Variants in FRMD5 observed in about 807,000 individuals in gnomAD.
FRMD5 encodes FERM domain-containing protein 5.
Under a neutral mutation model 69.0 loss-of-function variants are expected in FRMD5, and 20 were observed. The observed-to-expected ratio is 0.29, with a 90% CI of 0.20 to 0.42. FRMD5 has a LOEUF of 0.42. Ranked by LOEUF, FRMD5 falls within the 10% of genes least tolerant of loss-of-function variation. The pLI is 1.00. For synonymous variants in FRMD5, 271 were observed against 260.1 expected, an observed-to-expected ratio of 1.04 and a Z score of -0.40; for missense variants, 595 against 708.6, an observed-to-expected ratio of 0.84 and a Z score of 1.82.
intron 1 of FRMD5, among the ~76,000 whole-genome samples, chr15:44,086,283 A>G (rs1329882439): frequency 6.6e-6 from 1 of 152,238 alleles, no homozygotes; most frequent in Non-Finnish European, 1.5e-5. Context: ...AGCTCTATTC[A>G]TAACACCCAA....
chr15:44,007,598 T>C (rs1420021037), intron 1 of FRMD5, among the ~76,000 whole-genome samples: 1 of 151,690 alleles, frequency 6.6e-6, no homozygotes, highest in African/African-American at 2.4e-5. Context: ...TTTTAATTTT[T>C]TGAATTTTTA....
chr15:43,876,268 T>C (rs1595469248), intron 13 of FRMD5: 4 of 1,477,032 alleles, frequency 2.7e-6, no homozygotes, highest in East Asian at 2.4e-5. Flanking sequence ...TGTTGAACTC[T>C]GAACTCTGGG....
At chr15:44,004,458 T>C (rs1890347692) in intron 1 of FRMD5, among the ~76,000 whole-genome samples, 2 of 152,210 alleles carry the variant, frequency 1.3e-5, no homozygotes, top group Admixed American at 1.3e-4. Flanking sequence ...ACACTTCATG[T>C]CTCTGTGTCA....
chr15:44,197,091 C>T (rs182588488), upstream of FRMD5, among the ~76,000 whole-genome samples: 8 of 152,120 alleles, frequency 5.3e-5, no homozygotes, highest in East Asian at 1.4e-3. Context: ...GTCCCAGCTA[C>T]TGGGGAGGCT....
At chr15:44,056,745 C>T (rs561120979) in intron 1 of FRMD5, among the ~76,000 whole-genome samples, 2 of 152,138 alleles carry the variant, frequency 1.3e-5, no homozygotes, top group African/African-American at 4.8e-5. Flanking sequence ...GAAGGGCACT[C>T]TCTTGGCAAG....
chr15:43,912,192 A>T (rs2140423713), intron 4 of FRMD5, among the ~76,000 whole-genome samples: 1 of 152,322 alleles, frequency 6.6e-6, no homozygotes, highest in East Asian at 1.9e-4. Flanking sequence ...AGCAGGATGG[A>T]CTGCCTTCCT....
At chr15:43,985,892 T>TA (rs978009517) in intron 1 of FRMD5, among the ~76,000 whole-genome samples, 2 of 152,150 alleles carry the variant, frequency 1.3e-5, no homozygotes, top group African/African-American at 4.8e-5. Flanking sequence ...GTAAGGCATA[T>TA]ATACCAGAAA....
At position 44,042,443 on chromosome 15, in the gene FRMD5, C is replaced by T. The variant is rs550973308; in HGVS notation, c.103-118134G>A. 4.6e-5 allele frequency among the ~76,000 whole-genome samples: 7 copies of T among 152,300 alleles called. No individual in the cohort carries two copies. In the South Asian group the frequency reaches 1.5e-3, roughly 32 times the overall value. ...ACTCATTTTATGAGGCCAGCATCAT[C>T]CTGATACCAAAACCTGGCAGAGACA... On this transcript the variant is annotated intron_variant, in intron 1 of 13. Transcript: ENST00000417257.
At chr15:44,134,922 A>T (rs1463056590) in intron 1 of FRMD5, among the ~76,000 whole-genome samples, 1 of 152,212 alleles carries the variant, frequency 6.6e-6, no homozygotes, top group Non-Finnish European at 1.5e-5. Flanking sequence ...AACAGCAAGA[A>T]GATTAGGGCT....
intron 1 of FRMD5, among the ~76,000 whole-genome samples, chr15:44,055,515 G>T (rs925138277): frequency 1.3e-5 from 2 of 152,092 alleles, no homozygotes; most frequent in South Asian, 2.1e-4. Flanking sequence ...TCAACATAAA[G>T]TCACTATACA....
chr15:44,118,262 A>C (rs2076898680), intron 1 of FRMD5, among the ~76,000 whole-genome samples: 1 of 152,210 alleles, frequency 6.6e-6, no homozygotes, highest in South Asian at 2.1e-4. Flanking sequence ...TAAGGGCTAT[A>C]AAGTGTTTTC....
intron 10 of FRMD5, among the ~76,000 whole-genome samples, chr15:43,886,811 A>C (rs2088674046): frequency 6.6e-6 from 1 of 152,202 alleles, no homozygotes; most frequent in African/African-American, 2.4e-5. Context: ...TGTATGTGAG[A>C]GACACTGAGG....
intron 1 of FRMD5, among the ~76,000 whole-genome samples, chr15:43,948,314 T>C (rs1300260218): frequency 2.6e-5 from 4 of 152,326 alleles, no homozygotes; most frequent in Non-Finnish European, 5.9e-5. Flanking sequence ...CCTGGGAAAC[T>C]GTTAGGATAT....
intron 1 of FRMD5, among the ~76,000 whole-genome samples, chr15:44,012,761 G>GTTTTTTT (rs35690752): frequency 4.1e-5 from 5 of 120,838 alleles, no homozygotes; most frequent in Non-Finnish European, 5.2e-5. Context: ...AAGTTATTGG[G>GTTTTTTT]TTTTTTTTTT....
chr15:43,873,721 C>T lies in FRMD5; in HGVS notation c.*164G>A. The T allele has an allele frequency of 6.6e-7, 1 of 1,517,510 alleles. No individual in the cohort carries two copies. Among genetic ancestry groups the T allele is most frequent in the Non-Finnish European group, 8.8e-7 (1 of 1,142,062 alleles). The allele number at this position is 1,517,510 out of a possible 1,614,324, so 94.0% of individuals were successfully genotyped here. A position where few individuals can be genotyped will look rare whatever the true frequency, so the allele number is the denominator to read the frequency against. On this transcript the variant is annotated 3_prime_UTR_variant, in exon 14 of 14. Coordinates refer to ENST00000417257, the MANE Select transcript of FRMD5 (RefSeq NM_032892.5). Reference sequence around the variant, plus strand: ...GTTTAGACAGGGCATGAGCCTATCCCTTTCTTCTTCTGGGAAACACCCTCC... The same window carrying T: ...GTTTAGACAGGGCATGAGCCTATCCTTTTCTTCTTCTGGGAAACACCCTCC...
Position 43,873,281 on chromosome 15 carries a change from G to GCAA in FRMD5, c.*601_*603dup. 1 of 1,537,002 alleles carries GCAA rather than the reference G, an allele frequency of 6.5e-7. No homozygotes were observed. The highest frequency in any genetic ancestry group is 8.7e-7 in the Non-Finnish European group (1 of 1,143,510). The stretch of plus-strand genomic sequence containing the variant: ...AATCCAACTCAGACCATCATAAGAA[G>GCAA]CAACTTTCCATTTAATCATTCTACA... On this transcript the variant is annotated 3_prime_UTR_variant, in exon 14 of 14. Transcript: ENST00000417257.
At chr15:44,008,089 A>ATTTTTTTTTTT (rs35785368) in intron 1 of FRMD5, among the ~76,000 whole-genome samples, 2 of 62,804 alleles carry the variant, frequency 3.2e-5, no homozygotes, top group African/African-American at 5.4e-5. Flanking sequence ...ACAATCGGCA[A>ATTTTTTTTTTT]TTTTTTTTTT....
intron 1 of FRMD5, among the ~76,000 whole-genome samples, chr15:44,085,799 C>T (rs950547234): frequency 6.6e-6 from 1 of 152,088 alleles, no homozygotes; most frequent in Non-Finnish European, 1.5e-5. Context: ...TTATTGAGCC[C>T]TATTATGCAA....
intron 1 of FRMD5, among the ~76,000 whole-genome samples, chr15:44,178,898 A>C (rs1045879478): frequency 1.3e-5 from 2 of 152,120 alleles, no homozygotes; most frequent in African/African-American, 4.8e-5. Flanking sequence ...CGGCTGAGGG[A>C]GGAGAATCGC....
Sources: gnomAD v4.1 joint callset for allele counts (sites outside exome capture counted in the v4.1 genomes callset) on GRCh38, gnomAD v4.1.1 for gene constraint, MANE v1.5 for transcripts, NCBI Gene and HGNC (gene_info 2026-07-23, HGNC 2026-07-21) for gene names.